Variants in RALYL observed in about 807,000 individuals in gnomAD.
RALYL encodes the protein RNA-binding Raly-like protein.
Under a neutral mutation model 35.1 loss-of-function variants are expected in RALYL, and 29 were observed. The observed-to-expected ratio is 0.83, with a 90% CI of 0.61 to 1.13. The LOEUF (loss-of-function observed/expected upper bound fraction) is 1.13. Among genes scored for constraint, RALYL ranks in the 50% most tolerant of loss-of-function variants. The pLI, the probability that RALYL is intolerant of heterozygous loss-of-function variation, is 0.00. For synonymous variants in RALYL, 120 were observed against 127.6 expected (o/e 0.94, Z 0.40); for missense variants, 359 against 360.4 (o/e 1.00, Z 0.03).
At chr8:84,300,242 T>C (rs1198101530) in intron 1 of RALYL, among the ~76,000 whole-genome samples, 1 of 152,020 alleles carries the variant, frequency 6.6e-6, no homozygotes, top group African/African-American at 2.4e-5. Flanking sequence ...TGTAATTGTA[T>C]GGTTTTAAGC....
chr8:84,565,053 C>G (rs2061689613), intron 2 of RALYL, among the ~76,000 whole-genome samples: 1 of 151,386 alleles, frequency 6.6e-6, no homozygotes, highest in South Asian at 2.1e-4. Context: ...TTTTAAATGT[C>G]TTATTCTGTT....
intron 2 of RALYL, among the ~76,000 whole-genome samples, chr8:84,561,706 A>T (rs1286872010): frequency 6.6e-6 from 1 of 151,914 alleles, no homozygotes; most frequent in Non-Finnish European, 1.5e-5. Flanking sequence ...ATCTTATCAG[A>T]TCTGAGATGG....
chr8:84,268,512 A>C (rs1833729239), intron 1 of RALYL, among the ~76,000 whole-genome samples: 1 of 152,236 alleles, frequency 6.6e-6, no homozygotes. Context: ...AAGAAAGAGT[A>C]ATAATTGCAT....
chr8:84,312,068 C>A (rs1842920869), intron 1 of RALYL, among the ~76,000 whole-genome samples: 1 of 152,208 alleles, frequency 6.6e-6, no homozygotes, highest in South Asian at 2.1e-4. Context: ...AGGAAACTTG[C>A]AATCATGGTG....
chr8:84,277,943 G>A (rs137918391), intron 1 of RALYL, among the ~76,000 whole-genome samples: 316 of 152,328 alleles, frequency 2.1e-3, no homozygotes, highest in African/African-American at 7.1e-3. Flanking sequence ...AGTGCAAGCT[G>A]CCAGTGGATT....
At chr8:84,713,870 T>A (rs189661397) in intron 2 of RALYL, among the ~76,000 whole-genome samples, 1,573 of 151,322 alleles carry the variant, frequency 0.01, 18 homozygotes, top group Non-Finnish European at 0.015. Context: ...ATATGATATA[T>A]ATATATCTCA....
intron 2 of RALYL, among the ~76,000 whole-genome samples, chr8:84,729,386 G>A (rs28787937): frequency 0.067 from 10,166 of 152,074 alleles, 777 homozygotes; most frequent in African/African-American, 0.19. Context: ...TCAAAGAAGT[G>A]TGTAGAGGGA....
intron 2 of RALYL, among the ~76,000 whole-genome samples, chr8:84,532,322 C>T (rs1325907246): frequency 2.0e-5 from 3 of 151,920 alleles, no homozygotes; most frequent in Non-Finnish European, 4.4e-5. Flanking sequence ...CATCAGGTCC[C>T]GAAGAAGACC....
chr8:84,641,372 A>G (rs372117292), intron 2 of RALYL, among the ~76,000 whole-genome samples: 2 of 151,814 alleles, frequency 1.3e-5, no homozygotes, highest in South Asian at 4.1e-4. Flanking sequence ...ATCCTGAACT[A>G]TTTGTCAGAT....
intron 4 of RALYL, among the ~76,000 whole-genome samples, chr8:84,820,540 G>GT (rs577930818): frequency 1.8e-4 from 28 of 151,988 alleles, no homozygotes; most frequent in Non-Finnish European, 4.1e-4. Context: ...GTTTTGTCTT[G>GT]TTTTTTTAAT....
At chr8:84,262,126 G>A (rs1013257887) in intron 1 of RALYL, among the ~76,000 whole-genome samples, 1 of 152,150 alleles carries the variant, frequency 6.6e-6, no homozygotes, top group Non-Finnish European at 1.5e-5. Flanking sequence ...TGGAGTCATG[G>A]TTCCAGAACA....
intron 1 of RALYL, among the ~76,000 whole-genome samples, chr8:84,419,390 T>A (rs2045171232): frequency 6.6e-6 from 1 of 152,142 alleles, no homozygotes; most frequent in Non-Finnish European, 1.5e-5. Context: ...TTGTTCTGCC[T>A]GGAACTCACT....
At chr8:84,753,333 G>A (rs1161467155) in intron 2 of RALYL, among the ~76,000 whole-genome samples, 1 of 152,194 alleles carries the variant, frequency 6.6e-6, no homozygotes, top group African/African-American at 2.4e-5. Context: ...CTCATAGGCA[G>A]AAGGGACTTG....
At chr8:84,388,088 T>C (rs1008253167) in intron 1 of RALYL, among the ~76,000 whole-genome samples, 2 of 151,822 alleles carry the variant, frequency 1.3e-5, no homozygotes, top group Non-Finnish European at 2.9e-5. Flanking sequence ...TGAGAATATG[T>C]GGTGTTTGGT....
At chr8:84,626,218 G>GT (rs1383444288) in intron 2 of RALYL, among the ~76,000 whole-genome samples, 4 of 152,140 alleles carry the variant, frequency 2.6e-5, no homozygotes, top group African/African-American at 9.7e-5. Flanking sequence ...CGGAAAATAC[G>GT]TTTAAGTTGA....
rs545902914 is a variant in RALYL, at chr8:84,512,158, A to C, written c.-23-17141A>C. ...GGATATAATCATTTGTATTCCCCCC[A>C]ATAGTGTATAAGAGTTCCCTTTTCT... On this transcript the variant is annotated intron_variant, in intron 1 of 8. Coordinates refer to ENST00000521268, the MANE Select transcript of RALYL (RefSeq NM_173848.7). 2.6e-5 allele frequency among the ~76,000 whole-genome samples: 4 copies of C among 152,226 alleles called. No individual in the cohort carries two copies. The East Asian group carries it at 7.7e-4, about 29-fold the overall frequency.
chr8:84,834,551 T>C (rs1219710981), intron 4 of RALYL, among the ~76,000 whole-genome samples: 1 of 152,126 alleles, frequency 6.6e-6, no homozygotes, highest in African/African-American at 2.4e-5. Flanking sequence ...AAAAAGAAGC[T>C]CCTTCTTCTT....
chr8:84,720,132 C>CTG (rs1187213390), intron 2 of RALYL, among the ~76,000 whole-genome samples: 1 of 151,982 alleles, frequency 6.6e-6, no homozygotes, highest in Non-Finnish European at 1.5e-5. Context: ...CAGTGACATA[C>CTG]TGTGTTGAAA....
intron 1 of RALYL, among the ~76,000 whole-genome samples, chr8:84,494,605 C>T (rs1444816034): frequency 6.6e-6 from 1 of 151,758 alleles, no homozygotes; most frequent in Non-Finnish European, 1.5e-5. Context: ...TCTTGAAGAG[C>T]TCCTTCATGT....
Sources: gnomAD v4.1 joint callset for allele counts (sites outside exome capture counted in the v4.1 genomes callset) on GRCh38, gnomAD v4.1.1 for gene constraint, MANE v1.5 for transcripts, NCBI Gene and HGNC (gene_info 2026-07-23, HGNC 2026-07-21) for gene names.